Variants in LMNB1 observed in about 807,000 individuals in gnomAD.
LMNB1 encodes lamin B1.
A neutral mutation model predicts 67.1 loss-of-function variants in LMNB1; 23 were observed. The ratio of observed to expected loss-of-function variants is 0.34; its 90% CI spans 0.25 to 0.49. The LOEUF (loss-of-function observed/expected upper bound fraction) is 0.49. Among genes scored for constraint, LMNB1 ranks in the 20% least tolerant of loss-of-function variants. The pLI is 0.99. For missense variants in LMNB1, 634 were observed against 746.5 expected (o/e 0.85, Z 1.76); for synonymous variants, 281 against 282.9 (o/e 0.99, Z 0.07).
At chr5:126,791,445 A>G (rs898668056) in intron 1 of LMNB1, among the ~76,000 whole-genome samples, 5 of 151,930 alleles carry the variant, frequency 3.3e-5, no homozygotes, top group African/African-American at 1.2e-4. Context: ...TTAAATTTCT[A>G]ATAGCTTCTT....
chr5:126,826,292 G>A (rs1204647650), intron 9 of LMNB1, among the ~76,000 whole-genome samples, 185 bp downstream of exon 9: 1 of 152,238 alleles, frequency 6.6e-6, no homozygotes, highest in Non-Finnish European at 1.5e-5. Flanking sequence ...ATAGAGTACT[G>A]ATTATTAGCA....
intron 9 of LMNB1, among the ~76,000 whole-genome samples, chr5:126,830,418 T>C (rs1752104558): frequency 6.6e-6 from 1 of 152,228 alleles, no homozygotes; most frequent in Non-Finnish European, 1.5e-5. Flanking sequence ...ATTTCCTTGA[T>C]CTAAACCTCC....
At chr5:126,810,629 T>G (rs1035619987) in intron 4 of LMNB1, among the ~76,000 whole-genome samples, 2 of 152,230 alleles carry the variant, frequency 1.3e-5, no homozygotes, top group Non-Finnish European at 2.9e-5. Flanking sequence ...CCATAGTAGT[T>G]GAACCCAAAC....
At chr5:126,800,567 G>C (rs749413307) in intron 1 of LMNB1, among the ~76,000 whole-genome samples, 7 of 149,732 alleles carry the variant, frequency 4.7e-5, no homozygotes, top group Non-Finnish European at 1.0e-4. Context: ...GTGGTCAGAA[G>C]TTTTCAAACT....
intron 3 of LMNB1, among the ~76,000 whole-genome samples, chr5:126,809,865 A>G (rs990153430): frequency 2.4e-4 from 37 of 152,334 alleles, no homozygotes; most frequent in Admixed American, 2.4e-3. Flanking sequence ...TATACTGTGT[A>G]TAAATCCTTG....
Position 126,804,881 on chromosome 5 carries a change from C to CA in LMNB1, c.472dup (p.Ser158LysfsTer30). On this transcript the variant is annotated frameshift_variant, in exon 2 of 11. Transcript: ENST00000261366. LOFTEE classifies it high-confidence loss of function. ...CAGCTCTTGCTACTGCACTTGGTGA[C>CA]AAAAAAAGTTTAGAGGGAGATTTGG... The CA allele has an allele frequency of 6.2e-7, 1 of 1,613,656 alleles. No homozygotes were observed. The highest frequency in any genetic ancestry group is 8.5e-7 in the Non-Finnish European group (1 of 1,179,862).
At chr5:126,803,473 C>G (rs1473116504) in intron 1 of LMNB1, among the ~76,000 whole-genome samples, 1 of 152,026 alleles carries the variant, frequency 6.6e-6, no homozygotes, top group African/African-American at 2.4e-5. Context: ...GTCTTGAACT[C>G]CCAACATCAG....
chr5:126,817,231 T>A (rs528220148), intron 5 of LMNB1, among the ~76,000 whole-genome samples: 1 of 152,348 alleles, frequency 6.6e-6, no homozygotes, highest in Non-Finnish European at 1.5e-5. Context: ...CTATGTCCCA[T>A]TGTTTTTTGA....
At chr5:126,809,875 G>T (rs528159219) in intron 3 of LMNB1, among the ~76,000 whole-genome samples, 21 of 152,212 alleles carry the variant, frequency 1.4e-4, no homozygotes, top group Non-Finnish European at 2.8e-4. Flanking sequence ...ATAAATCCTT[G>T]ATTGCAGATA....
chr5:126,777,749 C>T lies in LMNB1; in HGVS notation c.241C>T (p.Leu81Phe). 6.5e-7 allele frequency: 1 copy of T among 1,532,674 alleles called. No homozygotes were observed. The highest frequency in any genetic ancestry group is 1.2e-5 in the South Asian group (1 of 82,694). 94.9% of individuals were successfully genotyped at this position (1,532,674 alleles called of 1,614,324 possible). ...CCGTGAGCTCACCGGCCTCAAGGCG[C>T]TCTACGAGACCGAGCTGGCCGACGC... ...RGRELTGLKA[L>F]YETELADARR... Residue 81 changes from leucine (L) to phenylalanine (F), a missense_variant, in exon 1 of 11, where the codon CTC (leucine) becomes TTC (phenylalanine). Leu to Phe is a conservative substitution (Grantham distance 22). Coordinates refer to ENST00000261366, the MANE Select transcript of LMNB1 (RefSeq NM_005573.4).
At chr5:126,814,268 C>T (rs1190688096) in intron 5 of LMNB1, among the ~76,000 whole-genome samples, 1 of 152,218 alleles carries the variant, frequency 6.6e-6, no homozygotes, top group Non-Finnish European at 1.5e-5. Context: ...GCATTTACTA[C>T]TCTTTTCCAT....
chr5:126,826,251 T>C lies in LMNB1; in HGVS notation c.1611+144T>C, dbSNP rs567326788. On this transcript the variant is annotated intron_variant, in intron 9 of 10. Transcript: ENST00000261366. The stretch of plus-strand genomic sequence containing the variant: ...CTAAGTTAATTGAACTGAAGCTGTC[T>C]TTAAGTTTTAGGAATAAATAGGAGT... The C allele has an allele frequency of 9.4e-6, 9 of 958,914 alleles. No individual in the cohort carries two copies. The Admixed American group carries it at 1.6e-4, about 17-fold the overall frequency. 59.4% of individuals were successfully genotyped at this position (958,914 alleles called of 1,614,324 possible).
At chr5:126,806,484 G>C (rs1266273283) in intron 3 of LMNB1, among the ~76,000 whole-genome samples, 20 of 152,150 alleles carry the variant, frequency 1.3e-4, no homozygotes, top group Non-Finnish European at 7.3e-5. Flanking sequence ...ACCTGGGCTG[G>C]AGGAATGGCA....
chr5:126,786,405 G>A (rs1176315300), intron 1 of LMNB1, among the ~76,000 whole-genome samples: 2 of 152,168 alleles, frequency 1.3e-5, no homozygotes, highest in Non-Finnish European at 2.9e-5. Context: ...ACAGGCGTGA[G>A]CCACCGTTCC....
At chr5:126,830,009 T>C (rs576434784) in intron 9 of LMNB1, among the ~76,000 whole-genome samples, 5 of 151,120 alleles carry the variant, frequency 3.3e-5, no homozygotes, top group African/African-American at 9.7e-5. Context: ...AATATAGATA[T>C]AATGGAAACT....
intron 9 of LMNB1, among the ~76,000 whole-genome samples, chr5:126,828,442 A>C (rs959263312): frequency 6.6e-6 from 1 of 152,248 alleles, no homozygotes; most frequent in Admixed American, 6.5e-5. Context: ...ATATTATGAC[A>C]TGGGATGCAT....
chr5:126,793,876 C>T (rs943079285), intron 1 of LMNB1, among the ~76,000 whole-genome samples: 5 of 146,708 alleles, frequency 3.4e-5, no homozygotes, highest in African/African-American at 1.2e-4. Context: ...AACTCCATCT[C>T]CAAAAAGAAA....
At chr5:126,802,850 G>C (rs1369961985) in intron 1 of LMNB1, among the ~76,000 whole-genome samples, 1 of 152,076 alleles carries the variant, frequency 6.6e-6, no homozygotes, top group Non-Finnish European at 1.5e-5. Flanking sequence ...ATATCCAAAT[G>C]AACTATAATT....
At chr5:126,800,671 A>G (rs1188982978) in intron 1 of LMNB1, among the ~76,000 whole-genome samples, 9 of 50,358 alleles carry the variant, frequency 1.8e-4, no homozygotes, top group African/African-American at 3.2e-4. Context: ...TTTTTTTTTG[A>G]GACGGAGTTT....
Sources: allele counts gnomAD v4.1 joint callset (sites outside exome capture counted in the v4.1 genomes callset), GRCh38; gene constraint gnomAD v4.1.1; transcripts MANE v1.5; gene names NCBI Gene and HGNC (gene_info 2026-07-23, HGNC 2026-07-21).